REL: variants seen among roughly 807,000 people sequenced by gnomAD.
REL encodes proto-oncogene c-Rel.
In REL, 15 loss-of-function variants were observed where a neutral mutation model predicts 45.9. The observed-to-expected ratio is 0.33, with a 90% confidence interval of 0.22 to 0.50. The LOEUF (loss-of-function observed/expected upper bound fraction) is 0.50. REL is among the 20% of genes least tolerant of loss of function. The pLI, the probability that REL is intolerant of heterozygous loss-of-function variation, is 0.98. For missense variants in REL, 601 were observed against 715.2 expected (o/e 0.84, Z 1.82); for synonymous variants, 239 against 242.1 (o/e 0.99, Z 0.12).
At chr2:60,920,398 GCCATGTTGA>G in intron 8 of REL, 167 bp from the exon 9 acceptor site, 5 of 652,356 alleles carry the variant, frequency 7.7e-6, no homozygotes, top group Non-Finnish European at 1.4e-5. Flanking sequence ...ACAGGGTTTC[GCCATGTTGA>G]CCAGGATGGT....
At chr2:60,891,859 T>C (rs751766569) in intron 2 of REL, 34 bp downstream of exon 2, 5 of 1,563,810 alleles carry the variant, frequency 3.2e-6, no homozygotes, top group South Asian at 1.2e-5. Flanking sequence ...TATCTCACTA[T>C]TAGTTGCTTC....
intron 3 of REL, among the ~76,000 whole-genome samples, chr2:60,897,051 C>T (rs1176068572): frequency 6.6e-6 from 1 of 152,192 alleles, no homozygotes; most frequent in African/African-American, 2.4e-5. Context: ...TCTTGGCATT[C>T]TATTATAAAG....
chr2:60,896,078 C>T (rs1020927182), intron 3 of REL, among the ~76,000 whole-genome samples: 7 of 151,920 alleles, frequency 4.6e-5, no homozygotes, highest in Non-Finnish European at 7.4e-5. Context: ...TTTCGGCTCA[C>T]TGCAACCTCC....
intron 4 of REL, among the ~76,000 whole-genome samples, chr2:60,905,244 G>A (rs545893291): frequency 1.0e-3 from 159 of 152,158 alleles, no homozygotes; most frequent in Admixed American, 9.1e-3. Flanking sequence ...ATAGGCACCC[G>A]CCACCGCACC....
At chr2:60,888,424 G>A (rs1673122966) in intron 1 of REL, among the ~76,000 whole-genome samples, 1 of 152,006 alleles carries the variant, frequency 6.6e-6, no homozygotes, top group South Asian at 2.1e-4. Context: ...GACTTAAAAA[G>A]TAATGTTGAT....
Position 60,930,592 on chromosome 2 carries a change from A to C in REL, c.*8057A>C, listed in dbSNP as rs1289605633. On this transcript the variant is annotated 3_prime_UTR_variant, in exon 10 of 10. Transcript: ENST00000394479. ...CAAAGTTAACAGTGGGTAGGATTGA[A>C]TCTTGAAAGTAATCATGTCTGTAAT... is the stretch of plus-strand genomic sequence containing the variant. 52 of 152,358 alleles carry C rather than the reference A, an allele frequency of 3.4e-4. No individual in the cohort carries two copies. The allele number at this position is 152,358 out of a possible 1,614,324, so 9.4% of individuals were successfully genotyped here. A position where few individuals can be genotyped will look rare whatever the true frequency, so the allele number is the denominator to read the frequency against.
chr2:60,895,968 G>C (rs571349305), intron 3 of REL, among the ~76,000 whole-genome samples: 2 of 151,866 alleles, frequency 1.3e-5, no homozygotes, highest in Non-Finnish European at 2.9e-5. Context: ...TGTAAATATA[G>C]TCACAATATA....
chr2:60,911,343 T>C (rs972304976), intron 4 of REL: 4 of 152,212 alleles, frequency 2.6e-5, no homozygotes, highest in African/African-American at 9.6e-5. Flanking sequence ...AGGTTTATCT[T>C]AGGAGTGGTT....
chr2:60,883,003 G>A (rs1324658104), intron 1 of REL, among the ~76,000 whole-genome samples: 1 of 152,112 alleles, frequency 6.6e-6, no homozygotes, highest in Non-Finnish European at 1.5e-5. Context: ...CGGGAGAGCC[G>A]GGGCGGGGGG....
intron 4 of REL, among the ~76,000 whole-genome samples, chr2:60,906,528 C>T (rs972788044): frequency 6.6e-6 from 1 of 152,142 alleles, no homozygotes; most frequent in African/African-American, 2.4e-5. Context: ...TAAAGCCCTT[C>T]ATAATCTGGA....
chr2:60,906,035 C>T (rs1444161820), intron 4 of REL, among the ~76,000 whole-genome samples: 3 of 152,050 alleles, frequency 2.0e-5, no homozygotes, highest in South Asian at 2.1e-4. Context: ...AGAATCATGG[C>T]GGAGGTGAAA....
chr2:60,918,323 A>C (rs749398058), intron 6 of REL, 28 bp downstream of exon 6: 1 of 1,562,222 alleles, frequency 6.4e-7, no homozygotes, highest in Non-Finnish European at 8.7e-7. Context: ...TGAATTTAGA[A>C]TAAATTTTAG....
At chr2:60,914,885 G>A (rs1039404993) in intron 4 of REL, among the ~76,000 whole-genome samples, 6 of 148,892 alleles carry the variant, frequency 4.0e-5, no homozygotes, top group Admixed American at 6.8e-5. Flanking sequence ...CCAGGCTGGA[G>A]TGCAGTGGCA....
rs1674372153 is a variant in REL at position 60,930,988 on chromosome 2, T to C, written c.*8453T>C. On this transcript the variant is annotated 3_prime_UTR_variant, in exon 10 of 10. Coordinates refer to ENST00000394479, the MANE Select transcript of REL (RefSeq NM_001291746.2). Reference sequence around the variant, plus strand: ...ATGAAATATAAATTTTTGGTAAAAGTATCAAACATTCATCTTGCCCATTTT... The same window carrying C: ...ATGAAATATAAATTTTTGGTAAAAGCATCAAACATTCATCTTGCCCATTTT... The C allele has an allele frequency of 6.6e-6, 1 of 152,348 alleles. No individual in the cohort carries two copies. The highest frequency in any genetic ancestry group is 3.2e-3 in the Middle Eastern group (1 of 316). The allele number at this position is 152,348 out of a possible 1,614,324, so 9.4% of individuals were successfully genotyped here. A position where few individuals can be genotyped will look rare whatever the true frequency, so the allele number is the denominator to read the frequency against.
intron 4 of REL, among the ~76,000 whole-genome samples, chr2:60,915,070 A>C (rs1482823402): frequency 6.6e-6 from 1 of 151,868 alleles, no homozygotes; most frequent in Non-Finnish European, 1.5e-5. Context: ...CAACCTCATG[A>C]TCCACCCACC....
intron 4 of REL, among the ~76,000 whole-genome samples, chr2:60,904,584 T>C (rs541474748): frequency 1.9e-4 from 26 of 135,584 alleles, no homozygotes; most frequent in Admixed American, 6.7e-4. Context: ...AAAAAATAAT[T>C]AAAAAAAAAA....
At chr2:60,889,266 G>T (rs538251709) in intron 1 of REL, among the ~76,000 whole-genome samples, 2 of 152,216 alleles carry the variant, frequency 1.3e-5, no homozygotes, top group African/African-American at 4.8e-5. Flanking sequence ...CACTGACACA[G>T]TTGGGCATTC....
chr2:60,905,196 A>G (rs997716743), intron 4 of REL, among the ~76,000 whole-genome samples: 1 of 151,958 alleles, frequency 6.6e-6, no homozygotes, highest in Non-Finnish European at 1.5e-5. Flanking sequence ...CCGGGTTCAC[A>G]CCATTCTCCT....
At chr2:60,910,454 G>A (rs1246447851) in intron 4 of REL, among the ~76,000 whole-genome samples, 2 of 130,628 alleles carry the variant, frequency 1.5e-5, no homozygotes, top group Non-Finnish European at 3.1e-5. Context: ...GACAGAGTGA[G>A]ACTCCATCTC....
Sources: allele counts gnomAD v4.1 joint callset (sites outside exome capture counted in the v4.1 genomes callset), GRCh38; gene constraint gnomAD v4.1.1; transcripts MANE v1.5; gene names NCBI Gene and HGNC (gene_info 2026-07-23, HGNC 2026-07-21).